The following TNXB variants were observed in gnomAD, a reference collection of about 807,000 sequenced individuals.
TNXB encodes tenascin XB.
TNXB carries 183 observed loss-of-function variants against 340.5 expected under a neutral mutation model. That is an observed-to-expected ratio of 0.54 (90% CI 0.48 to 0.61). The LOEUF (loss-of-function observed/expected upper bound fraction) is 0.61, where lower values mean the gene tolerates loss of function less well. Among genes scored for constraint, TNXB ranks in the 20% least tolerant of loss-of-function variants. The pLI is 0.00. For synonymous variants in TNXB, 2,121 were observed against 2,314.5 expected (o/e 0.92, Z 2.40); for missense variants, 4,613 against 5,446.4 (o/e 0.85, Z 4.82).
rs762693141 is a variant in TNXB at position 32,087,364 on chromosome 6, G to A, written c.2780-1246C>T. On this transcript the variant is annotated intron_variant, in intron 6 of 43. Transcript: ENST00000644971. The surrounding 1 kb of genome is among the most constrained non-coding windows in gnomAD (Gnocchi z 9.0). Reference sequence around the variant, plus strand: ...GTCGGGCAGGCTGACGGTGCGCGTGGTGCCCGGCACAGTCAGCTCACCGCC... The same window carrying A: ...GTCGGGCAGGCTGACGGTGCGCGTGATGCCCGGCACAGTCAGCTCACCGCC... The A allele has an allele frequency of 2.5e-4, 118 of 477,450 alleles. 4 individuals are homozygous for A. Among genetic ancestry groups the A allele is most frequent in the African/African-American group, 3.9e-5 (2 of 51,090 alleles). 29.6% of individuals were successfully genotyped at this position (477,450 alleles called of 1,614,324 possible). A position where few individuals can be genotyped will look rare whatever the true frequency, so the allele number is the denominator to read the frequency against.
At chr6:32,100,108 T>C (rs979213368) in intron 1 of TNXB, among the ~76,000 whole-genome samples, 4 of 117,678 alleles carry the variant, frequency 3.4e-5, no homozygotes, top group Non-Finnish European at 5.6e-5. Context: ...GCAAGATTTC[T>C]TTTTTTTTTT....
rs1204117921 is a variant in TNXB at position 32,067,510 on chromosome 6, T to C, written c.6544+151A>G. 2.4e-5 allele frequency: 28 copies of C among 1,160,088 alleles called. No individual in the cohort carries two copies. The highest frequency in any genetic ancestry group is 3.1e-5 in the African/African-American group (2 of 64,268). The allele number at this position is 1,160,088 out of a possible 1,614,324, so 71.9% of individuals were successfully genotyped here. ...CGACACTTCTCCTGGATTTGCTCTC[T>C]CTGTCCCCAGATCACACCTGTCCTG... On this transcript the variant is annotated intron_variant, in intron 18 of 43. Coordinates refer to ENST00000644971, the MANE Select transcript of TNXB (RefSeq NM_001365276.2). This position sits in a 1 kb window ranked among gnomAD's most constrained non-coding sequence, Gnocchi z 4.2.
In TNXB at chr6:32,089,353, T is replaced by G. The variant is rs185461070; in HGVS notation, c.2385A>C (p.Thr795=). The G allele has an allele frequency of 1.2e-5, 19 of 1,608,150 alleles. No individual in the cohort carries two copies. The highest frequency in any genetic ancestry group is 1.6e-5 in the Non-Finnish European group (19 of 1,178,138). ...PTTEGASPPF[T]ARVPSSASAY... Reference sequence around the variant, plus strand: ...CTGAGGCAGAGCTTGGAACCCGTGCTGTGAATGGGGGGCTCGCCCCCTCTG... The same window carrying G: ...CTGAGGCAGAGCTTGGAACCCGTGCGGTGAATGGGGGGCTCGCCCCCTCTG... The change falls in exon 5 of 44, where the codon ACA becomes ACC. Residue 795 remains threonine (T), a synonymous_variant. Coordinates refer to ENST00000644971, the MANE Select transcript of TNXB (RefSeq NM_001365276.2). The surrounding 1 kb of genome is among the most constrained non-coding windows in gnomAD (Gnocchi z 6.2).
rs575034285 is a variant in TNXB, at chr6:32,065,116, G to C, written c.6546C>G (p.Ala2182=). The change falls in exon 19 of 44, where the codon GCC becomes GCG. Residue 2182 remains alanine (A), a splice_region_variant and synonymous_variant. Coordinates refer to ENST00000644971, the MANE Select transcript of TNXB (RefSeq NM_001365276.2). ...GAGCATCAGGGGACTCCTCTTCGGGGGCTAGGAAGAGATAGAAACAGAATC... is the reference window on the plus strand; with the variant it reads ...GAGCATCAGGGGACTCCTCTTCGGGCGCTAGGAAGAGATAGAAACAGAATC... ...VGPVSAVGVT[A]PEEESPDAPL... The C allele has an allele frequency of 6.4e-7, 1 of 1,562,686 alleles. No homozygotes were observed. Among genetic ancestry groups the C allele is most frequent in the Non-Finnish European group, 8.7e-7 (1 of 1,152,104 alleles).
rs768986922 is a variant in TNXB at position 32,046,505 on chromosome 6, T to C, written c.10325-49A>G. 2 of 1,492,464 alleles carry C rather than the reference T, an allele frequency of 1.3e-6. No individual in the cohort carries two copies. Among genetic ancestry groups the C allele is most frequent in the Non-Finnish European group, 1.8e-6 (2 of 1,115,520 alleles). The allele number at this position is 1,492,464 out of a possible 1,614,324, so 92.5% of individuals were successfully genotyped here. ...CTCTTAGTCACATGCTGCCTTTGCC[T>C]AAGCCCTGGCAGCCTCCCGGAGGTG... On this transcript the variant is annotated intron_variant, in intron 30 of 43. Coordinates refer to ENST00000644971, the MANE Select transcript of TNXB (RefSeq NM_001365276.2). The surrounding 1 kb of genome is among the most constrained non-coding windows in gnomAD (Gnocchi z 6.9).
Position 32,081,363 on chromosome 6 carries a change from C to T in TNXB, c.4042+5G>A. On this transcript the variant is annotated splice_donor_5th_base_variant and intron_variant, in intron 10 of 43. Transcript: ENST00000644971. The surrounding 1 kb of genome is among the most constrained non-coding windows in gnomAD (Gnocchi z 5.1). ...GGGGAGGGAGGCCTGGCAGCCATGA[C>T]TCACCAGTCTTGGCCACCACAGACT... The T allele has an allele frequency of 6.5e-7, 1 of 1,529,464 alleles. No individual in the cohort carries two copies. Among genetic ancestry groups the T allele is most frequent in the Non-Finnish European group, 8.8e-7 (1 of 1,131,670 alleles). 94.7% of individuals were successfully genotyped at this position (1,529,464 alleles called of 1,614,324 possible). A position where few individuals can be genotyped will look rare whatever the true frequency, so the allele number is the denominator to read the frequency against.
In TNXB at chr6:32,097,291, G is replaced by A. The variant is rs371794070; in HGVS notation, c.562C>T (p.Pro188Ser). ...SSPPSASGSC[P>S]DDCNDQGRCV... ...CGACCCTGATCATTGCAGTCATCTG[G>A]GCAGGACCCCGAGGCTGAGGGTGGG... Residue 188 changes from proline to serine, a missense_variant, in exon 3 of 44, where the codon CCA becomes TCA. This residue lies in a region of TNXB where 4,327 missense variants were observed against 4,859.4 expected (regional missense o/e 0.89). Transcript: ENST00000644971. This position sits in a 1 kb window ranked among gnomAD's most constrained non-coding sequence, Gnocchi z 5.9. The A allele has an allele frequency of 2.4e-5, 38 of 1,613,306 alleles. 2 individuals carry two copies. Among genetic ancestry groups the A allele is most frequent in the Middle Eastern group, 3.3e-4 (2 of 6,084 alleles).
At chr6:32,105,380 TA>T (rs1413409224) in intron 1 of TNXB, among the ~76,000 whole-genome samples, 2 of 152,218 alleles carry the variant, frequency 1.3e-5, no homozygotes, top group South Asian at 2.1e-4. Flanking sequence ...TATAAACAAA[TA>T]TTTTTTTGAA....
rs1299606914 is a variant in TNXB at position 32,088,903 on chromosome 6, G to A, written c.2661C>T (p.Pro887=). The A allele has an allele frequency of 5.0e-6, 8 of 1,596,004 alleles. No homozygotes were observed. Among genetic ancestry groups the A allele is most frequent in the Non-Finnish European group, 6.8e-6 (8 of 1,171,618 alleles). ...AGNQRVRLEV[P]PEADGTLLTD... The stretch of plus-strand genomic sequence containing the variant: ...TCAGCAGCGTCCCGTCTGCTTCAGG[G>A]GGCACTTCCAGCCTCACCCTCTGGT... The change falls in exon 6 of 44, where the codon CCC becomes CCT. Residue 887 remains proline, a synonymous_variant. Coordinates refer to ENST00000644971, the MANE Select transcript of TNXB (RefSeq NM_001365276.2).
In TNXB at chr6:32,072,262, T is replaced by C; in HGVS notation, c.4718A>G (p.Lys1573Arg). 1 of 1,606,146 alleles carries C rather than the reference T, an allele frequency of 6.2e-7. No homozygotes were observed. The highest frequency in any genetic ancestry group is 8.5e-7 in the Non-Finnish European group (1 of 1,175,902). Residue 1573 changes from lysine to arginine, a missense_variant, in exon 13 of 44, where the codon AAG becomes AGG. Around this residue, in one of 7 missense-constraint regions of TNXB, gnomAD observed 4,327 missense variants for 4,859.4 expected, o/e 0.89. Coordinates refer to ENST00000644971, the MANE Select transcript of TNXB (RefSeq NM_001365276.2). The surrounding 1 kb of genome is among the most constrained non-coding windows in gnomAD (Gnocchi z 4.4). ...LPPAPATEAS[K>R]PPLEPRLGEL... ...CCCTAGGCGTGGCTCCAGGGGAGGC[T>C]TGGAGGCCTCTGTGGCTGGGGCTGG...
At chr6:32,055,347 C>A (rs577870989) in intron 24 of TNXB, among the ~76,000 whole-genome samples, 25 of 152,174 alleles carry the variant, frequency 1.6e-4, no homozygotes, top group Non-Finnish European at 2.8e-4. Flanking sequence ...GACATTGATA[C>A]CCTAAAATTA....
intron 11 of TNXB, 106 bp downstream of exon 11, chr6:32,078,927 G>T: frequency 8.2e-7 from 1 of 1,226,156 alleles, no homozygotes; most frequent in Non-Finnish European, 1.1e-6. Flanking sequence ...TCTTCCCCTG[G>T]CAGGCAGCCT....
chr6:32,092,116 G>A (rs1780101315), intron 4 of TNXB, among the ~76,000 whole-genome samples: 1 of 152,184 alleles, frequency 6.6e-6, no homozygotes, highest in South Asian at 2.1e-4. Flanking sequence ...CACTTAGGGG[G>A]CCTCAGGCTG....
At chr6:32,076,619 C>T (rs139072445) in intron 11 of TNXB, among the ~76,000 whole-genome samples, 144 of 152,306 alleles carry the variant, frequency 9.5e-4, no homozygotes, top group African/African-American at 3.4e-3. Flanking sequence ...TGACAACAAG[C>T]TGGGCAGCGT....
intron 22 of TNXB, among the ~76,000 whole-genome samples, chr6:32,057,495 C>A (rs1777736755): frequency 6.6e-6 from 1 of 152,220 alleles, no homozygotes; most frequent in Non-Finnish European, 1.5e-5. Flanking sequence ...CCATCTTCAG[C>A]CCCCACGGAT....
Position 32,098,085 on chromosome 6 carries a change from C to T in TNXB, c.114G>A (p.Arg38=). The T allele has an allele frequency of 1.2e-6, 2 of 1,605,244 alleles. No individual in the cohort carries two copies. The highest frequency in any genetic ancestry group is 1.7e-6 in the Non-Finnish European group (2 of 1,176,792). The change falls in exon 2 of 44, where the codon CGG becomes CGA. Residue 38 remains arginine (R), a synonymous_variant. Coordinates refer to ENST00000644971, the MANE Select transcript of TNXB (RefSeq NM_001365276.2). The stretch of plus-strand genomic sequence containing the variant: ...TGTGGCCCCCTGGCTGGGGAGGGGG[C>T]CGGGGGGCTGGCAGTGTCACATTGG... ...SRSNVTLPAP[R]PPPQPGGHTV... is the part of the protein sequence containing the mutation.
In TNXB at chr6:32,070,877, A is replaced by G. The variant is rs1413452211; in HGVS notation, c.4991-463T>C. ...CAGGTCAGGGAGGCAGGATGTTACG[A>G]CACAGGTAGTTCTCACCCTTCTCCG... On this transcript the variant is annotated intron_variant, in intron 13 of 43. Coordinates refer to ENST00000644971, the MANE Select transcript of TNXB (RefSeq NM_001365276.2). This position sits in a 1 kb window ranked among gnomAD's most constrained non-coding sequence, Gnocchi z 6.0. Among the ~76,000 whole-genome samples, 1 of 152,172 alleles carries G rather than the reference A, an allele frequency of 6.6e-6. No homozygotes were observed. The highest frequency in any genetic ancestry group is 1.5e-5 in the Non-Finnish European group (1 of 68,034).
chr6:32,056,585 C>A lies in TNXB; in HGVS notation c.8143+1G>T. The stretch of plus-strand genomic sequence containing the variant: ...CCCTGGGGCTGCCATCATCCACTCA[C>A]CCGTCACCCCAATGACAGAGATGGG... On this transcript the variant is annotated splice_donor_variant, in intron 23 of 43. Transcript: ENST00000644971. LOFTEE classifies it high-confidence loss of function. 6.2e-7 allele frequency: 1 copy of A among 1,612,836 alleles called. No homozygotes were observed. Among genetic ancestry groups the A allele is most frequent in the Non-Finnish European group, 8.5e-7 (1 of 1,179,750 alleles).
Position 32,081,798 on chromosome 6 carries a change from T to C in TNXB, c.3737-125A>G. ...TAGTCCATTAATTCGAGTGCTAAAC[T>C]TCTGGGAAGCCTGACACAGCCAGGG... is the stretch of plus-strand genomic sequence containing the variant. On this transcript the variant is annotated intron_variant, in intron 9 of 43. Coordinates refer to ENST00000644971, the MANE Select transcript of TNXB (RefSeq NM_001365276.2). The surrounding 1 kb of genome is among the most constrained non-coding windows in gnomAD (Gnocchi z 5.1). 1 of 712,292 alleles carries C rather than the reference T, an allele frequency of 1.4e-6. No individual in the cohort carries two copies. The highest frequency in any genetic ancestry group is 2.7e-5 in the East Asian group (1 of 36,800). The allele number at this position is 712,292 out of a possible 1,614,324, so 44.1% of individuals were successfully genotyped here.
Sources: gnomAD v4.1 joint callset for allele counts (sites outside exome capture counted in the v4.1 genomes callset) on GRCh38, gnomAD v4.1.1 for gene constraint, gnomAD v4.1.1 regional missense constraint, Gnocchi (gnomAD v3.1) non-coding constraint, MANE v1.5 for transcripts, NCBI Gene and HGNC (gene_info 2026-07-23, HGNC 2026-07-21) for gene names.